The following MPHOSPH6 variants were observed in gnomAD, a reference collection of about 807,000 sequenced individuals.
The protein encoded by MPHOSPH6 is M-phase phosphoprotein 6.
In MPHOSPH6, 25 loss-of-function variants were observed where a neutral mutation model predicts 21.8. The observed-to-expected ratio is 1.15, with a 90% CI of 0.83 to 1.60. The LOEUF (loss-of-function observed/expected upper bound fraction) is 1.60. Among genes scored for constraint, MPHOSPH6 ranks in the 40% most tolerant of loss-of-function variants. The pLI is 0.00. For missense variants in MPHOSPH6, 269 were observed against 181.8 expected, an observed-to-expected ratio of 1.48 and a Z score of -2.76; for synonymous variants, 84 against 56.5, an observed-to-expected ratio of 1.49 and a Z score of -2.18.
chr16:82,169,410 G>C (rs1906896584), intron 1 of MPHOSPH6, among the ~76,000 whole-genome samples: 1 of 152,160 alleles, frequency 6.6e-6, no homozygotes, highest in African/African-American at 2.4e-5. Flanking sequence ...TACCCTGCGA[G>C]ACTCACCCTC....
At chr16:82,162,856 T>C (rs1376082209) in intron 2 of MPHOSPH6, among the ~76,000 whole-genome samples, 1 of 152,174 alleles carries the variant, frequency 6.6e-6, no homozygotes, top group African/African-American at 2.4e-5. Flanking sequence ...ATATGCTGTA[T>C]TAGGGGAAAA....
intron 1 of MPHOSPH6, among the ~76,000 whole-genome samples, chr16:82,169,257 C>T (rs1368783255): frequency 6.6e-6 from 1 of 152,228 alleles, no homozygotes; most frequent in Non-Finnish European, 1.5e-5. Context: ...TTTCTTAGTA[C>T]TTGCCTTCCA....
chr16:82,149,468 C>T, intron 3 of MPHOSPH6, 65 bp from the exon 4 acceptor site: 1 of 1,391,824 alleles, frequency 7.2e-7, no homozygotes, highest in Non-Finnish European at 1.0e-6. Context: ...TGATGTCAAA[C>T]TTACCTGAAG....
intron 2 of MPHOSPH6, among the ~76,000 whole-genome samples, chr16:82,160,545 G>C (rs1906574824): frequency 6.6e-6 from 1 of 152,170 alleles, no homozygotes; most frequent in Non-Finnish European, 1.5e-5. Flanking sequence ...GGGCAGATTT[G>C]CTTACTGTCC....
chr16:82,156,075 T>C (rs1906419780), intron 2 of MPHOSPH6, among the ~76,000 whole-genome samples: 1 of 152,196 alleles, frequency 6.6e-6, no homozygotes, highest in Admixed American at 6.5e-5. Context: ...CATCTTGGCA[T>C]AGCCAATGAT....
At chr16:82,156,677 A>C (rs1385177278) in intron 2 of MPHOSPH6, among the ~76,000 whole-genome samples, 1 of 152,202 alleles carries the variant, frequency 6.6e-6, no homozygotes, top group African/African-American at 2.4e-5. Context: ...CTAGTCTGAA[A>C]ATTTCTGTTA....
chr16:82,150,018 T>C (rs1026869072), intron 3 of MPHOSPH6, among the ~76,000 whole-genome samples: 1 of 152,102 alleles, frequency 6.6e-6, no homozygotes, highest in Non-Finnish European at 1.5e-5. Context: ...CTGACCTTTT[T>C]TTTTTTAAAT....
intron 1 of MPHOSPH6, among the ~76,000 whole-genome samples, chr16:82,168,123 T>G (rs1239566109): frequency 3.7e-5 from 3 of 81,648 alleles, no homozygotes; most frequent in Non-Finnish European, 6.5e-5. Flanking sequence ...TTGGTGGGGG[T>G]GGACATTTAA....
chr16:82,153,578 G>C (rs145530481), intron 2 of MPHOSPH6, among the ~76,000 whole-genome samples: 8 of 152,352 alleles, frequency 5.3e-5, no homozygotes, highest in African/African-American at 1.7e-4. Context: ...GGTTATGGTG[G>C]TGGCTGGAAT....
At chr16:82,154,938 T>A (rs1488503043) in intron 2 of MPHOSPH6, among the ~76,000 whole-genome samples, 1 of 152,224 alleles carries the variant, frequency 6.6e-6, no homozygotes, top group Non-Finnish European at 1.5e-5. Context: ...TCTAATATCT[T>A]TTTTAAATAT....
At chr16:82,166,651 CAGTGAA>C (rs10563487) in intron 1 of MPHOSPH6, among the ~76,000 whole-genome samples, 9,589 of 152,190 alleles carry the variant, frequency 0.063, 538 homozygotes, top group African/African-American at 0.14. Flanking sequence ...AGAGCTCACT[CAGTGAA>C]AGTTCTCTGA....
At chr16:82,156,233 C>G (rs1319210178) in intron 2 of MPHOSPH6, among the ~76,000 whole-genome samples, 1 of 152,022 alleles carries the variant, frequency 6.6e-6, no homozygotes, top group African/African-American at 2.4e-5. Context: ...ATAAATAACT[C>G]CTACATGCAC....
chr16:82,166,181 C>A (rs1906772947), intron 1 of MPHOSPH6, among the ~76,000 whole-genome samples: 1 of 152,186 alleles, frequency 6.6e-6, no homozygotes, highest in Non-Finnish European at 1.5e-5. Flanking sequence ...CGGGATATCC[C>A]TGTACACTTT....
At chr16:82,163,878 G>C in intron 2 of MPHOSPH6, 1 of 469,756 alleles carries the variant, frequency 2.1e-6, no homozygotes, top group Non-Finnish European at 3.7e-6. Context: ...GGACAAAATA[G>C]TGGCTGGGAG....
chr16:82,161,149 A>C (rs532063194), intron 2 of MPHOSPH6, among the ~76,000 whole-genome samples: 1 of 152,340 alleles, frequency 6.6e-6, no homozygotes, highest in African/African-American at 2.4e-5. Flanking sequence ...TTTCTTATGA[A>C]GGCTCCTGTG....
Position 82,170,122 on chromosome 16 carries a change from C to G in MPHOSPH6, c.51+3G>C. 6.3e-7 allele frequency: 1 copy of G among 1,590,810 alleles called. No individual in the cohort carries two copies. Among genetic ancestry groups the G allele is most frequent in the Non-Finnish European group, 8.6e-7 (1 of 1,168,862 alleles). ...CGGAGTGGCGCTCTCAGCGTCCCCG[C>G]ACCTTCATGCGCAGTAGATTCTTGG... On this transcript the variant is annotated splice_donor_region_variant and intron_variant, in intron 1 of 4. Transcript: ENST00000258169.
intron 2 of MPHOSPH6, among the ~76,000 whole-genome samples, chr16:82,157,591 T>C (rs1906467660): frequency 6.6e-6 from 1 of 152,158 alleles, no homozygotes; most frequent in African/African-American, 2.4e-5. Flanking sequence ...CACATACAGC[T>C]GTAGACTTAA....
intron 2 of MPHOSPH6, among the ~76,000 whole-genome samples, chr16:82,159,324 G>C (rs993920931): frequency 3.9e-5 from 6 of 152,046 alleles, no homozygotes; most frequent in African/African-American, 1.4e-4. Context: ...TAATGAATTT[G>C]TTATTTAAAT....
chr16:82,164,335 C>A, intron 1 of MPHOSPH6, 141 bp from the exon 2 acceptor site: 1 of 630,010 alleles, frequency 1.6e-6, no homozygotes, highest in Non-Finnish European at 2.7e-6. Context: ...GGCAAGTGAT[C>A]AAACGGTTTA....
Sources: gnomAD v4.1 joint callset for allele counts (sites outside exome capture counted in the v4.1 genomes callset) on GRCh38, gnomAD v4.1.1 for gene constraint, MANE v1.5 for transcripts, NCBI Gene and HGNC (gene_info 2026-07-23, HGNC 2026-07-21) for gene names.